RRP12: variants seen among roughly 807,000 people sequenced by gnomAD.
The protein encoded by RRP12 is ribosomal RNA processing 12 homolog, also known as RRP12-like protein.
A neutral mutation model predicts 157.3 loss-of-function variants in RRP12; 78 were observed. The observed-to-expected ratio is 0.50, with a 90% CI of 0.41 to 0.60. The LOEUF is 0.60. RRP12 is among the 20% of genes least tolerant of loss of function. RRP12 has a pLI of 0.00. For synonymous variants in RRP12, 726 were observed against 670.9 expected (o/e 1.08, Z -1.27); for missense variants, 1,521 against 1,679.9 (o/e 0.91, Z 1.65).
intron 6 of RRP12, among the ~76,000 whole-genome samples, chr10:97,389,444 G>A (rs900938227): frequency 1.3e-5 from 2 of 152,160 alleles, no homozygotes; most frequent in Non-Finnish European, 2.9e-5. Flanking sequence ...CCGCAGTGAA[G>A]TGCCACTGCA....
intron 2 of RRP12, among the ~76,000 whole-genome samples, chr10:97,398,698 T>C (rs11812223): frequency 0.38 from 56,970 of 151,462 alleles, 11,137 homozygotes; most frequent in African/African-American, 0.49. Flanking sequence ...ATATTTGATC[T>C]ATTTACTAGA....
intron 4 of RRP12, among the ~76,000 whole-genome samples, chr10:97,392,856 A>C (rs1017025333): frequency 6.7e-6 from 1 of 150,212 alleles, no homozygotes; most frequent in African/African-American, 2.5e-5. Flanking sequence ...ATGCCCAGCT[A>C]ATTTTTGTGT....
chr10:97,390,157 T>C (rs1537645), intron 6 of RRP12, among the ~76,000 whole-genome samples: 57,594 of 151,638 alleles, frequency 0.38, 11,331 homozygotes, highest in African/African-American at 0.49. Context: ...CCGAGGTAAA[T>C]AGACATATGG....
chr10:97,388,422 C>T (rs528478163), intron 7 of RRP12, 43 bp from the exon 8 acceptor site: 39 of 1,613,024 alleles, frequency 2.4e-5, no homozygotes, highest in East Asian at 1.1e-4. Flanking sequence ...CCCGCCCTAC[C>T]GCAGGCCCTG....
intron 4 of RRP12, among the ~76,000 whole-genome samples, chr10:97,391,843 C>T (rs1016049093): frequency 3.9e-5 from 6 of 152,156 alleles, no homozygotes; most frequent in Admixed American, 3.3e-4. Context: ...ACGGTGTGAA[C>T]CCAGGAGGTG....
At chr10:97,392,001 GTT>G (rs59302286) in intron 4 of RRP12, among the ~76,000 whole-genome samples, 28 of 147,802 alleles carry the variant, frequency 1.9e-4, no homozygotes, top group East Asian at 9.8e-4. Flanking sequence ...CATGTTGTGG[GTT>G]TTTTTTTTTT....
intron 4 of RRP12, chr10:97,393,307 G>C: frequency 2.3e-6 from 1 of 437,766 alleles, no homozygotes; most frequent in South Asian, 1.7e-5. Context: ...CATGGAACCA[G>C]GGAAGCACTG....
At chr10:97,397,857 T>C (rs749396084) in intron 2 of RRP12, among the ~76,000 whole-genome samples, 2 of 149,918 alleles carry the variant, frequency 1.3e-5, no homozygotes, top group African/African-American at 2.5e-5. Context: ...TACTTGGGAA[T>C]TGGAAGGCTG....
At chr10:97,383,254 T>C (rs1379925175) in intron 10 of RRP12, among the ~76,000 whole-genome samples, 3 of 152,096 alleles carry the variant, frequency 2.0e-5, no homozygotes, top group African/African-American at 4.8e-5. Context: ...ATGGGGTGAT[T>C]TTGCCATTTT....
rs557417114 is a variant in RRP12, at chr10:97,383,317, G to A, written c.1209-1491C>T. ...ATGCAGGAAAAAGAATGTGGGCTGGGCAGACCTGGGCCAGAGACCTGGCCT... is the reference window on the plus strand; with the variant it reads ...ATGCAGGAAAAAGAATGTGGGCTGGACAGACCTGGGCCAGAGACCTGGCCT... On this transcript the variant is annotated intron_variant, in intron 10 of 33. Coordinates refer to ENST00000370992, the MANE Select transcript of RRP12 (RefSeq NM_015179.4). Among the ~76,000 whole-genome samples the A allele has an allele frequency of 2.6e-5, 4 of 152,316 alleles. No individual in the cohort carries two copies. The South Asian group carries it at 8.3e-4, about 32-fold the overall frequency.
At chr10:97,383,847 A>G (rs555216231) in intron 10 of RRP12, among the ~76,000 whole-genome samples, 21 of 152,312 alleles carry the variant, frequency 1.4e-4, no homozygotes, top group African/African-American at 4.8e-4. Flanking sequence ...AGGCAGGGTG[A>G]AACTCAGGCC....
chr10:97,396,313 G>A lies in RRP12; in HGVS notation c.370-12C>T. 2 of 1,609,954 alleles carry A rather than the reference G, an allele frequency of 1.2e-6. No homozygotes were observed. The highest frequency in any genetic ancestry group is 1.7e-6 in the Non-Finnish European group (2 of 1,176,296). ...AGAACAGCACAGATCTGCACAGGAG[G>A]GAGAAAGCACTGTGACTATTTTAGA... On this transcript the variant is annotated splice_polypyrimidine_tract_variant and intron_variant, in intron 2 of 33. Coordinates refer to ENST00000370992, the MANE Select transcript of RRP12 (RefSeq NM_015179.4).
chr10:97,367,187 C>G, intron 25 of RRP12, 55 bp from the exon 26 acceptor site: 1 of 1,468,650 alleles, frequency 6.8e-7, no homozygotes, highest in East Asian at 2.3e-5. Flanking sequence ...GCTGCGCCCC[C>G]TTTACTGCTG....
intron 3 of RRP12, 58 bp downstream of exon 3, chr10:97,396,160 G>A (rs372480065): frequency 4.5e-5 from 57 of 1,255,828 alleles, no homozygotes; most frequent in African/African-American, 4.5e-4. Context: ...TCATCTTCTC[G>A]CTAAATCTTG....
At position 97,373,098 on chromosome 10, in the gene RRP12, C is replaced by T. The variant is rs771627474; in HGVS notation, c.2129G>A (p.Arg710His). Reference sequence around the variant, plus strand: ...TCTGATGGTTTCCAGCACAGCCCGGCGAGGGGCTGGAGTGTCCCCGGCTGC... The same window carrying T: ...TCTGATGGTTTCCAGCACAGCCCGGTGAGGGGCTGGAGTGTCCCCGGCTGC... ...PVAAGDTPAP[R>H]RAVLETIRTY... Residue 710 changes from arginine (R) to histidine (H), a missense_variant, in exon 18 of 34, where the codon CGC (arginine) becomes CAC (histidine). Physicochemically the swap from Arg to His is conservative, Grantham distance 29. Coordinates refer to ENST00000370992, the MANE Select transcript of RRP12 (RefSeq NM_015179.4). 47 of 1,613,918 alleles carry T rather than the reference C, an allele frequency of 2.9e-5. No individual in the cohort carries two copies. The highest frequency in any genetic ancestry group is 4.0e-5 in the African/African-American group (3 of 74,910).
intron 29 of RRP12, among the ~76,000 whole-genome samples, chr10:97,364,264 T>C (rs1017252549): frequency 6.6e-6 from 1 of 152,100 alleles, no homozygotes; most frequent in African/African-American, 2.4e-5. Flanking sequence ...TGCAGCCCCA[T>C]ACACACCCCC....
intron 31 of RRP12, among the ~76,000 whole-genome samples, chr10:97,359,554 C>T (rs1272234206): frequency 6.6e-6 from 1 of 152,242 alleles, no homozygotes. Context: ...CAGCTGTCTT[C>T]TCCAGCCTGG....
At position 97,388,484 on chromosome 10, in the gene RRP12, C is replaced by T; in HGVS notation, c.889+5G>A. On this transcript the variant is annotated splice_donor_5th_base_variant and intron_variant, in intron 7 of 33. Coordinates refer to ENST00000370992, the MANE Select transcript of RRP12 (RefSeq NM_015179.4). ...ATCCACCTGCCCTCCATTTGGGTTCCCCACCTCCAGACTTCTCAATCTCCT... is the reference window on the plus strand; with the variant it reads ...ATCCACCTGCCCTCCATTTGGGTTCTCCACCTCCAGACTTCTCAATCTCCT... The T allele has an allele frequency of 6.2e-7, 1 of 1,614,058 alleles. No homozygotes were observed. Among genetic ancestry groups the T allele is most frequent in the Non-Finnish European group, 8.5e-7 (1 of 1,179,952 alleles).
Position 97,392,911 on chromosome 10 carries a change from G to C in RRP12, c.530+773C>G, listed in dbSNP as rs374151052. ...TCACCATGTTGGCCAGTTTGGTCTC[G>C]AACTCCTGACCTCAGGTGATCTGCC... On this transcript the variant is annotated intron_variant, in intron 4 of 33. Transcript: ENST00000370992. Among the ~76,000 whole-genome samples the C allele has an allele frequency of 1.6e-4, 25 of 151,726 alleles. No homozygotes were observed. In the East Asian group the frequency reaches 4.3e-3, roughly 26 times the overall value.
Sources: gnomAD v4.1 joint callset for allele counts (sites outside exome capture counted in the v4.1 genomes callset) on GRCh38, gnomAD v4.1.1 for gene constraint, MANE v1.5 for transcripts, NCBI Gene and HGNC (gene_info 2026-07-23, HGNC 2026-07-21) for gene names.